CDKL1: variants seen among roughly 807,000 people sequenced by gnomAD.
CDKL1 encodes cyclin-dependent kinase-like 1.
In CDKL1, 41 loss-of-function variants were observed where a neutral mutation model predicts 42.0. The ratio of observed to expected loss-of-function variants is 0.98; its 90% CI spans 0.76 to 1.27. The LOEUF is 1.27. Ranked by LOEUF, CDKL1 falls within the 50% of genes most tolerant of loss-of-function variation. The pLI is 0.00. For missense variants in CDKL1, 394 were observed against 428.4 expected (o/e 0.92, Z 0.71); for synonymous variants, 153 against 158.6 (o/e 0.96, Z 0.26).
chr14:50,343,965 T>C (rs2033641409), intron 4 of CDKL1, among the ~76,000 whole-genome samples: 1 of 152,192 alleles, frequency 6.6e-6, no homozygotes, highest in Non-Finnish European at 1.5e-5. Flanking sequence ...TGGAACAATA[T>C]AAAGAAGGAG....
At chr14:50,338,412 G>C (rs1278490647) in intron 7 of CDKL1, among the ~76,000 whole-genome samples, 1 of 152,116 alleles carries the variant, frequency 6.6e-6, no homozygotes, top group Non-Finnish European at 1.5e-5. Context: ...AATTTTAGTA[G>C]AGACAGTGTT....
At chr14:50,346,185 G>A (rs1408618229) in intron 3 of CDKL1, among the ~76,000 whole-genome samples, 2 of 152,044 alleles carry the variant, frequency 1.3e-5, no homozygotes, top group Admixed American at 6.6e-5. Context: ...CAGGCCAGAC[G>A]TTCAGGAAAT....
At position 50,329,036 on chromosome 14, in the gene CDKL1, C is replaced by CATATATATATATATATAT. The variant is rs57657571; in HGVS notation, c.*1020_*1037dup. 27 of 140,574 alleles carry CATATATATATATATATAT rather than the reference C, an allele frequency of 1.9e-4. No homozygotes were observed. Among genetic ancestry groups the CATATATATATATATATAT allele is most frequent in the South Asian group, 1.1e-3 (5 of 4,376 alleles). The allele number at this position is 140,574 out of a possible 1,614,324, so 8.7% of individuals were successfully genotyped here. On this transcript the variant is annotated 3_prime_UTR_variant, in exon 10 of 10. Coordinates refer to ENST00000395834, the MANE Select transcript of CDKL1 (RefSeq NM_004196.7). ...TGTAATATATTAGTTGTTAGAATAG[C>CATATATATATATATATAT]ATATATATATATATATATATATATA...
rs377510837 is a variant in CDKL1, at chr14:50,385,881, T to G, written c.168+9820A>C. 9.0e-4 allele frequency among the ~76,000 whole-genome samples: 137 copies of G among 151,590 alleles called. 4 individuals carry two copies. The South Asian group carries it at 0.027, about 30-fold the overall frequency. ...TGGATTTAAAAATAACTATACACAT[T>G]TATATATATAGTTATTTCATTATAT... On this transcript the variant is annotated intron_variant, in intron 2 of 9. Coordinates refer to ENST00000395834, the MANE Select transcript of CDKL1 (RefSeq NM_004196.7).
Position 50,379,675 on chromosome 14 carries a change from T to C in CDKL1, c.168+16026A>G, listed in dbSNP as rs190147745. On this transcript the variant is annotated intron_variant, in intron 2 of 9. Coordinates refer to ENST00000395834, the MANE Select transcript of CDKL1 (RefSeq NM_004196.7). ...GAGATAGAAGGACAGCTGGCTCATG[T>C]GTCACCCGACTTGCATTGCCAGAAG... Among the ~76,000 whole-genome samples, 507 of 152,280 alleles carry C rather than the reference T, an allele frequency of 3.3e-3. 1 individual carries two copies. Among genetic ancestry groups the C allele is most frequent in the Middle Eastern group, 6.8e-3 (2 of 294 alleles).
At chr14:50,332,737 A>C in intron 8 of CDKL1, 1 of 1,432,198 alleles carries the variant, frequency 7.0e-7, no homozygotes, top group Non-Finnish European at 9.4e-7. Flanking sequence ...CAGTGGCCAA[A>C]TGGGGTAATC....
Position 50,334,613 on chromosome 14 carries a change from A to C in CDKL1, c.747T>G (p.Leu249=). The C allele has an allele frequency of 6.3e-7, 1 of 1,593,240 alleles. No homozygotes were observed. Among genetic ancestry groups the C allele is most frequent in the Non-Finnish European group, 8.6e-7 (1 of 1,160,976 alleles). The change falls in exon 8 of 10, where the codon CTT becomes CTG. Residue 249 remains leucine (L), a synonymous_variant. Coordinates refer to ENST00000395834, the MANE Select transcript of CDKL1 (RefSeq NM_004196.7). ...AAGAGATGTTTGGGAATTTTAATTC[A>C]AGTGGTTCCTGTTGAAAAGAAAAGA... ...KIPDPEDMEP[L]ELKFPNISYP... is the part of the protein sequence containing the mutation.
chr14:50,366,410 T>G (rs1261067061), intron 2 of CDKL1, among the ~76,000 whole-genome samples: 2 of 152,142 alleles, frequency 1.3e-5, no homozygotes, highest in Admixed American at 6.5e-5. Flanking sequence ...AAAGACAGTG[T>G]GGCTGGTGGG....
intron 2 of CDKL1, among the ~76,000 whole-genome samples, chr14:50,366,790 G>A (rs560085605): frequency 6.6e-6 from 1 of 152,012 alleles, no homozygotes; most frequent in Admixed American, 6.6e-5. Context: ...ATGACACAAA[G>A]GTTTACACAC....
intron 2 of CDKL1, among the ~76,000 whole-genome samples, chr14:50,365,496 A>G (rs1339053591): frequency 6.6e-6 from 1 of 152,210 alleles, no homozygotes; most frequent in East Asian, 1.9e-4. Context: ...AAAATAAATT[A>G]TTAACTTTCA....
intron 2 of CDKL1, among the ~76,000 whole-genome samples, chr14:50,378,833 C>T (rs2034818157): frequency 6.6e-6 from 1 of 151,240 alleles, no homozygotes; most frequent in African/African-American, 2.4e-5. Flanking sequence ...TACTGTGAGA[C>T]ACTGTGCCTG....
chr14:50,349,246 A>C (rs187634197), intron 3 of CDKL1, among the ~76,000 whole-genome samples: 2 of 152,336 alleles, frequency 1.3e-5, no homozygotes, highest in Admixed American at 1.3e-4. Context: ...ATTTGAAGGA[A>C]TATTATCTTC....
intron 3 of CDKL1, among the ~76,000 whole-genome samples, chr14:50,349,681 TG>T (rs561125673): frequency 6.6e-6 from 1 of 152,234 alleles, no homozygotes; most frequent in South Asian, 2.1e-4. Context: ...TCTGGGTGAC[TG>T]GCTGGACCCT....
intron 2 of CDKL1, among the ~76,000 whole-genome samples, chr14:50,390,817 C>T (rs908272282): frequency 2.6e-5 from 4 of 152,126 alleles, no homozygotes; most frequent in African/African-American, 9.7e-5. Context: ...TGCTCCAGCC[C>T]ATCATGCCTG....
chr14:50,329,879 G>T lies in CDKL1; in HGVS notation c.*195C>A. ...ACTCCAAACAGGTTTTTTCTTTTCT[G>T]GACACCATCATCAAGCATGGAAGAC... On this transcript the variant is annotated 3_prime_UTR_variant, in exon 10 of 10. Transcript: ENST00000395834. The T allele has an allele frequency of 1.6e-6, 1 of 624,304 alleles. No individual in the cohort carries two copies. The allele number at this position is 624,304 out of a possible 1,614,324, so 38.7% of individuals were successfully genotyped here.
At position 50,328,791 on chromosome 14, in the gene CDKL1, A is replaced by T. The variant is rs988443846; in HGVS notation, c.*1283T>A. The T allele has an allele frequency of 6.6e-6, 1 of 152,048 alleles. No individual in the cohort carries two copies. Among genetic ancestry groups the T allele is most frequent in the Non-Finnish European group, 1.5e-5 (1 of 68,018 alleles). 9.4% of individuals were successfully genotyped at this position (152,048 alleles called of 1,614,324 possible). A position where few individuals can be genotyped will look rare whatever the true frequency, so the allele number is the denominator to read the frequency against. On this transcript the variant is annotated 3_prime_UTR_variant, in exon 10 of 10. Transcript: ENST00000395834. ...GATCACGTGAGCCCAGGAGTTCAAG[A>T]CCAGCCTGGGGAACATGGCAAAACC...
chr14:50,383,432 C>A (rs1412697810), intron 2 of CDKL1, among the ~76,000 whole-genome samples: 2 of 151,756 alleles, frequency 1.3e-5, no homozygotes, highest in Non-Finnish European at 2.9e-5. Flanking sequence ...TGCCTGTAAT[C>A]CCAGCTACTC....
chr14:50,377,645 G>C, intron 2 of CDKL1: 1 of 1,265,848 alleles, frequency 7.9e-7, no homozygotes, highest in Non-Finnish European at 1.0e-6. Flanking sequence ...AAGTGGGGTG[G>C]GAGGAGCCCA....
At chr14:50,378,199 A>T in intron 2 of CDKL1, 1 of 1,366,344 alleles carries the variant, frequency 7.3e-7, no homozygotes, top group Non-Finnish European at 9.8e-7. Flanking sequence ...AAAATCCCTC[A>T]CATGATGCAG....
Sources: allele counts gnomAD v4.1 joint callset (sites outside exome capture counted in the v4.1 genomes callset), GRCh38; gene constraint gnomAD v4.1.1; transcripts MANE v1.5; gene names NCBI Gene and HGNC (gene_info 2026-07-23, HGNC 2026-07-21).